RPS6KA3: variants seen among roughly 807,000 people sequenced by gnomAD.
RPS6KA3 encodes the protein ribosomal protein S6 kinase alpha-3.
In RPS6KA3, 4 loss-of-function variants were observed where a neutral mutation model predicts 67.2. The ratio of observed to expected loss-of-function variants is 0.06; its 90% CI spans 0.03 to 0.14. The LOEUF (loss-of-function observed/expected upper bound fraction) is 0.14. Among genes scored for constraint, RPS6KA3 ranks in the 10% least tolerant of loss-of-function variants. The pLI is 1.00. For synonymous variants in RPS6KA3, 182 were observed against 183.7 expected, an observed-to-expected ratio of 0.99 and a Z score of 0.07; for missense variants, 204 against 559.0, an observed-to-expected ratio of 0.36 and a Z score of 6.40.
At chrX:20,196,505 C>T (rs7474057) in intron 4 of RPS6KA3, among the ~76,000 whole-genome samples, 2,872 of 111,944 alleles carry the variant, frequency 0.026, 95 homozygotes, top group African/African-American at 0.088. Flanking sequence ...AAGAATAGGA[C>T]AATCTTTGGA....
intron 2 of RPS6KA3, among the ~76,000 whole-genome samples, chrX:20,218,420 T>C (rs2068909669): frequency 8.9e-6 from 1 of 111,965 alleles, no homozygotes; most frequent in Admixed American, 9.5e-5. Context: ...AAAGTTGTTT[T>C]CATTATAGTA....
intron 2 of RPS6KA3, among the ~76,000 whole-genome samples, chrX:20,219,938 A>G (rs1186985141): frequency 8.9e-6 from 1 of 111,946 alleles, no homozygotes. Context: ...ATTTAATAAA[A>G]GCACGGAATT....
At chrX:20,183,261 G>A (rs1422537360) in intron 10 of RPS6KA3, among the ~76,000 whole-genome samples, 1 of 110,712 alleles carries the variant, frequency 9.0e-6, no homozygotes, top group Non-Finnish European at 1.9e-5. Context: ...AGGCTGGAGT[G>A]CAGTGGCATG....
intron 18 of RPS6KA3, among the ~76,000 whole-genome samples, 173 bp downstream of exon 18, chrX:20,164,726 G>A (rs1207199008): frequency 1.8e-5 from 2 of 111,630 alleles, no homozygotes; most frequent in African/African-American, 3.3e-5. Context: ...AGATTCTTCT[G>A]TAGGCAATCA....
rs769128492 is a variant in RPS6KA3 at position 20,195,371 on chromosome X, A to G, written c.326-226T>C. On this transcript the variant is annotated intron_variant, in intron 4 of 21. Transcript: ENST00000379565. The stretch of plus-strand genomic sequence containing the variant: ...AAATCCATGCTTTTAAGTTGGAAAA[A>G]ATATAGAGAAAATATTAGGTATTGG... Among the ~76,000 whole-genome samples the G allele has an allele frequency of 2.7e-5, 3 of 112,207 alleles. No homozygotes were observed. The East Asian group carries it at 8.3e-4, about 31-fold the overall frequency.
chrX:20,212,477 G>C (rs2068741225), intron 2 of RPS6KA3, among the ~76,000 whole-genome samples: 2 of 110,973 alleles, frequency 1.8e-5, no homozygotes, highest in Non-Finnish European at 1.9e-5. Context: ...CAGCCTCCTG[G>C]GTGATGAGAG....
chrX:20,187,976 A>G lies in RPS6KA3; in HGVS notation c.632-6T>C, dbSNP rs1305931076. 4.2e-6 allele frequency: 5 copies of G among 1,197,338 alleles called. No homozygotes were observed. The highest frequency in any genetic ancestry group is 1.7e-5 in the African/African-American group (1 of 57,165). ...CTCTTTACTTAGGCCGAAATCTGCC[A>G]AAACAAATATCATAAATATCCTACA... On this transcript the variant is annotated splice_polypyrimidine_tract_variant and splice_region_variant and intron_variant, in intron 8 of 21. Coordinates refer to ENST00000379565, the MANE Select transcript of RPS6KA3 (RefSeq NM_004586.3).
chrX:20,210,550 A>G (rs939517985), intron 2 of RPS6KA3, among the ~76,000 whole-genome samples: 1 of 111,598 alleles, frequency 9.0e-6, no homozygotes, highest in Non-Finnish European at 1.9e-5. Flanking sequence ...ACATACCAGA[A>G]TACCCTAACA....
intron 19 of RPS6KA3, among the ~76,000 whole-genome samples, chrX:20,162,409 A>G (rs984803763): frequency 2.6e-4 from 29 of 109,821 alleles, no homozygotes; most frequent in African/African-American, 8.3e-4. Flanking sequence ...TCAATTTAGG[A>G]CCTCGAGACA....
At chrX:20,163,770 G>A (rs1255028363) in intron 18 of RPS6KA3, among the ~76,000 whole-genome samples, 1 of 111,253 alleles carries the variant, frequency 9.0e-6, no homozygotes, top group Non-Finnish European at 1.9e-5. Flanking sequence ...CCGGGTTCAA[G>A]CAATTCTCCT....
chrX:20,242,842 G>A (rs2069586441), intron 1 of RPS6KA3, among the ~76,000 whole-genome samples: 1 of 111,066 alleles, frequency 9.0e-6, no homozygotes, highest in African/African-American at 3.3e-5. Context: ...AATGAGAAGA[G>A]GAAACAGAAA....
chrX:20,230,995 T>C lies in RPS6KA3; in HGVS notation c.126+3763A>G, dbSNP rs183331135. Among the ~76,000 whole-genome samples, 240 of 110,940 alleles carry C rather than the reference T, an allele frequency of 2.2e-3. 2 individuals are homozygous for C. The highest frequency in any genetic ancestry group is 9.8e-4 in the Non-Finnish European group (52 of 52,914). The stretch of plus-strand genomic sequence containing the variant: ...TTTTTTTTCAGACAGGGTCTCACTC[T>C]GTTGCCCAGGCTGGAGTGCAGTGGC... On this transcript the variant is annotated intron_variant, in intron 2 of 21. Transcript: ENST00000379565.
intron 3 of RPS6KA3, among the ~76,000 whole-genome samples, chrX:20,207,198 G>A (rs142892681): frequency 7.7e-4 from 86 of 111,951 alleles, no homozygotes; most frequent in African/African-American, 2.5e-3. Flanking sequence ...TGGCAGGCAG[G>A]CTTTGAGAAA....
intron 1 of RPS6KA3, among the ~76,000 whole-genome samples, chrX:20,249,019 A>C (rs1208540914): frequency 1.8e-5 from 2 of 112,040 alleles, no homozygotes; most frequent in Admixed American, 1.9e-4. Flanking sequence ...GACAATCAGT[A>C]ATCTCTTCTC....
At chrX:20,243,863 T>C (rs955979154) in intron 1 of RPS6KA3, among the ~76,000 whole-genome samples, 10 of 111,593 alleles carry the variant, frequency 9.0e-5, no homozygotes, top group African/African-American at 3.3e-4. Flanking sequence ...CAGAGGTTTA[T>C]TTCCTTCTCT....
At chrX:20,214,841 C>CTTTTTTT (rs753632500) in intron 2 of RPS6KA3, among the ~76,000 whole-genome samples, 2 of 90,356 alleles carry the variant, frequency 2.2e-5, no homozygotes, top group Non-Finnish European at 4.4e-5. Context: ...TTCTTTTTTT[C>CTTTTTTT]TTTTTTTTTT....
chrX:20,251,667 CTATTT>C (rs1172053538), intron 1 of RPS6KA3, among the ~76,000 whole-genome samples: 1 of 113,023 alleles, frequency 8.8e-6, no homozygotes, highest in African/African-American at 3.2e-5. Flanking sequence ...ACTATCTCAA[CTATTT>C]TAAGTGTATG....
intron 20 of RPS6KA3, among the ~76,000 whole-genome samples, chrX:20,158,197 T>C (rs1486234837): frequency 9.3e-5 from 10 of 108,039 alleles, no homozygotes; most frequent in Non-Finnish European, 1.9e-4. Context: ...GGACTCCATC[T>C]CTACAAAAAA....
chrX:20,253,779 T>C (rs1005650189), intron 1 of RPS6KA3, among the ~76,000 whole-genome samples: 2 of 111,732 alleles, frequency 1.8e-5, no homozygotes, highest in East Asian at 2.8e-4. Context: ...TCTTTACTAA[T>C]TTACCTTGTT....
Sources: allele counts gnomAD v4.1 joint callset (sites outside exome capture counted in the v4.1 genomes callset), GRCh38; gene constraint gnomAD v4.1.1; transcripts MANE v1.5; gene names NCBI Gene and HGNC (gene_info 2026-07-23, HGNC 2026-07-21).